The following TBC1D30 variants were observed in gnomAD, a reference collection of about 807,000 sequenced individuals.
TBC1D30 encodes TBC1 domain family, member 30.
Under a neutral mutation model 63.2 loss-of-function variants are expected in TBC1D30, and 31 were observed. The ratio of observed to expected loss-of-function variants is 0.49; its 90% CI spans 0.37 to 0.66. The LOEUF is 0.66. TBC1D30 is among the 30% of genes least tolerant of loss of function. TBC1D30 has a pLI of 0.00. For synonymous variants in TBC1D30, 307 were observed against 361.5 expected (o/e 0.85, Z 1.71); for missense variants, 810 against 953.6 (o/e 0.85, Z 1.98).
upstream of TBC1D30, among the ~76,000 whole-genome samples, chr12:64,821,495 C>CT (rs1873884921): frequency 6.6e-6 from 1 of 152,198 alleles, no homozygotes. Flanking sequence ...ACAAAACCCT[C>CT]TAAGATTTGA....
At chr12:64,854,475 G>A (rs1877128852) in intron 8 of TBC1D30, among the ~76,000 whole-genome samples, 2 of 150,434 alleles carry the variant, frequency 1.3e-5, no homozygotes, top group African/African-American at 4.9e-5. Flanking sequence ...TATTGGTTCA[G>A]CATTTAGTCT....
intron 2 of TBC1D30, among the ~76,000 whole-genome samples, chr12:64,815,987 A>T (rs1466386262): frequency 6.6e-6 from 1 of 151,816 alleles, no homozygotes; most frequent in Non-Finnish European, 1.5e-5. Flanking sequence ...CATGTTGCTC[A>T]GGCTAAGGTT....
chr12:64,762,583 A>G (rs995852302), intron 1 of TBC1D30, among the ~76,000 whole-genome samples: 4 of 152,212 alleles, frequency 2.6e-5, no homozygotes, highest in African/African-American at 4.8e-5. Context: ...ATGTATTTAG[A>G]CTAAAACAAA....
chr12:64,865,163 T>G (rs1178161166), intron 9 of TBC1D30, among the ~76,000 whole-genome samples: 2 of 150,372 alleles, frequency 1.3e-5, no homozygotes, highest in Non-Finnish European at 3.0e-5. Flanking sequence ...GCATATTGAA[T>G]CAATGGTGAA....
chr12:64,875,363 G>A lies in TBC1D30; in HGVS notation c.1861G>A (p.Glu621Lys). The A allele has an allele frequency of 6.5e-7, 1 of 1,536,272 alleles. No individual in the cohort carries two copies. Among genetic ancestry groups the A allele is most frequent in the South Asian group, 1.2e-5 (1 of 84,068 alleles). Residue 621 changes from glutamate (E) to lysine (K), a missense_variant, in exon 12 of 12, where the codon GAA becomes AAA. Physicochemically the swap from Glu to Lys is moderately conservative, Grantham distance 56 (BLOSUM62 1). This residue lies in a region of TBC1D30 where 450 missense variants were observed against 473.0 expected (regional missense o/e 0.95). Transcript: ENST00000539867. ...TGGTTGTACAGCGACAGCTGGGAGAGAAGGCAGCAGCCCTGAAGGCAGTAC... is the reference window on the plus strand; with the variant it reads ...TGGTTGTACAGCGACAGCTGGGAGAAAAGGCAGCAGCCCTGAAGGCAGTAC... Reference protein sequence around the residue: ...PSGCTATAGREGSSPEGSTRR... With the variant: ...PSGCTATAGRKGSSPEGSTRR...
intron 4 of TBC1D30, among the ~76,000 whole-genome samples, chr12:64,831,881 G>A (rs1874888129): frequency 6.6e-6 from 1 of 152,100 alleles, no homozygotes; most frequent in African/African-American, 2.4e-5. Context: ...AACGTTTTAA[G>A]TTGAAAATTT....
At chr12:64,854,494 C>CT (rs1293604269) in intron 8 of TBC1D30, among the ~76,000 whole-genome samples, 1 of 129,450 alleles carries the variant, frequency 7.7e-6, no homozygotes, top group African/African-American at 4.6e-5. Flanking sequence ...CTTTCTTTTT[C>CT]TTTCTTTTTT....
chr12:64,777,968 G>A (rs1199152120), upstream of TBC1D30, among the ~76,000 whole-genome samples: 1 of 152,120 alleles, frequency 6.6e-6, no homozygotes, highest in Non-Finnish European at 1.5e-5. Context: ...CGCCATGTTG[G>A]CCAGGCTGTT....
intron 10 of TBC1D30, chr12:64,868,830 C>T (rs909663901): frequency 1.9e-5 from 3 of 157,294 alleles, no homozygotes; most frequent in Non-Finnish European, 4.2e-5. Context: ...TTCTCAAAGG[C>T]CCCAGTTCAG....
intron 8 of TBC1D30, among the ~76,000 whole-genome samples, chr12:64,856,869 A>G (rs892334710): frequency 6.6e-6 from 1 of 152,060 alleles, no homozygotes; most frequent in Non-Finnish European, 1.5e-5. Flanking sequence ...ACCTGTGGCC[A>G]CCACCACCAC....
At chr12:64,855,921 G>A (rs1877259560) in intron 8 of TBC1D30, among the ~76,000 whole-genome samples, 1 of 152,178 alleles carries the variant, frequency 6.6e-6, no homozygotes, top group African/African-American at 2.4e-5. Context: ...GAGCTTGTTT[G>A]TGCCTATCCT....
At chr12:64,772,044 C>T (rs529124187) in intron 1 of TBC1D30, among the ~76,000 whole-genome samples, 14 of 152,040 alleles carry the variant, frequency 9.2e-5, no homozygotes, top group Middle Eastern at 3.4e-3. Flanking sequence ...CACCTGAGGT[C>T]GAGAGTTCTA....
At chr12:64,792,021 TA>T (rs1871955171) in intron 2 of TBC1D30, among the ~76,000 whole-genome samples, 1 of 152,226 alleles carries the variant, frequency 6.6e-6, no homozygotes, top group Admixed American at 6.5e-5. Context: ...GGCATAAAAT[TA>T]TTAAGAATAT....
Position 64,825,053 on chromosome 12 carries a change from A to T in TBC1D30, c.154+20A>T. 1 of 1,525,390 alleles carries T rather than the reference A, an allele frequency of 6.6e-7. No individual in the cohort carries two copies. The highest frequency in any genetic ancestry group is 8.8e-7 in the Non-Finnish European group (1 of 1,141,302). The allele number at this position is 1,525,390 out of a possible 1,614,324, so 94.5% of individuals were successfully genotyped here. A position where few individuals can be genotyped will look rare whatever the true frequency, so the allele number is the denominator to read the frequency against. On this transcript the variant is annotated intron_variant, in intron 1 of 11. Coordinates refer to ENST00000539867, the MANE Select transcript of TBC1D30 (RefSeq NM_015279.2). The stretch of plus-strand genomic sequence containing the variant: ...AGCCGGGTGAGGACCCCAGGGCTGC[A>T]GATGGGGCGCTGTAAAGTAGCGCCG...
intron 8 of TBC1D30, among the ~76,000 whole-genome samples, chr12:64,857,205 T>A (rs1374992158): frequency 6.6e-6 from 1 of 152,062 alleles, no homozygotes; most frequent in Non-Finnish European, 1.5e-5. Context: ...ATGCTGGGTC[T>A]CCCCTGAAAC....
chr12:64,863,837 G>A (rs759759237), intron 8 of TBC1D30, among the ~76,000 whole-genome samples: 10 of 152,160 alleles, frequency 6.6e-5, no homozygotes, highest in Non-Finnish European at 1.5e-4. Flanking sequence ...ATTTTCCTAG[G>A]AAAGCATTAT....
chr12:64,827,932 T>G (rs535779793), intron 2 of TBC1D30, 36 bp downstream of exon 2: 27 of 1,409,484 alleles, frequency 1.9e-5, no homozygotes, highest in Middle Eastern at 3.5e-4. Flanking sequence ...TCTTTTGGGG[T>G]TACCAACAGG....
exon 1 of TBC1D30, chr12:64,781,040 A>G: frequency 2.0e-6 from 2 of 1,023,456 alleles, no homozygotes; most frequent in Non-Finnish European, 1.2e-6. Context: ...CACAAGCCGC[A>G]CGGCGTCCCT....
At chr12:64,780,699 C>T (rs1871221085) in exon 1 of TBC1D30, 2 of 958,072 alleles carry the variant, frequency 2.1e-6, no homozygotes, top group South Asian at 9.6e-5. Context: ...GCTGGCGCCG[C>T]GCCCGGGAGG....
Sources: allele counts gnomAD v4.1 joint callset (sites outside exome capture counted in the v4.1 genomes callset), GRCh38; gene constraint gnomAD v4.1.1; regional missense constraint gnomAD v4.1.1; transcripts MANE v1.5; gene names NCBI Gene and HGNC (gene_info 2026-07-23, HGNC 2026-07-21).